AGAP1: variants seen among roughly 807,000 people sequenced by gnomAD.
AGAP1 encodes ArfGAP with GTPase domain, ankyrin repeat and PH domain 1, also known as arf-GAP with GTPase, ANK repeat and PH domain-containing protein 1.
In AGAP1, 29 loss-of-function variants were observed where a neutral mutation model predicts 105.3. The ratio of observed to expected loss-of-function variants is 0.28; its 90% CI spans 0.21 to 0.38. The LOEUF is 0.38. AGAP1 is among the 10% of genes least tolerant of loss of function. AGAP1 has a pLI of 1.00. For synonymous variants in AGAP1, 509 were observed against 485.9 expected, an observed-to-expected ratio of 1.05 and a Z score of -0.63; for missense variants, 998 against 1,165.1, an observed-to-expected ratio of 0.86 and a Z score of 2.09.
chr2:236,123,177 G>A lies in AGAP1; in HGVS notation c.2371-742G>A, dbSNP rs559455288. On this transcript the variant is annotated intron_variant, in intron 17 of 17. Coordinates refer to ENST00000304032, the MANE Select transcript of AGAP1 (RefSeq NM_001037131.3). The surrounding 1 kb of genome is among the most constrained non-coding windows in gnomAD (Gnocchi z 4.6). ...CAGCCTCTGCCTCCTAGGCTCAAGC[G>A]ATCCTCCCACCTCAGCCTCCTGCAT... 6.2e-4 allele frequency among the ~76,000 whole-genome samples: 95 copies of A among 152,142 alleles called. No individual in the cohort carries two copies. The highest frequency in any genetic ancestry group is 1.8e-3 in the African/African-American group (76 of 41,500).
Position 235,867,572 on chromosome 2 carries a change from T to TGTGTGTGTGTGTGTGCGC in AGAP1, c.1051-15770_1051-15769insTGTGTGTGTGTGCGCGTG, listed in dbSNP as rs375110513. 6.7e-6 allele frequency among the ~76,000 whole-genome samples: 1 copy of TGTGTGTGTGTGTGTGCGC among 148,370 alleles called. No homozygotes were observed. The highest frequency in any genetic ancestry group is 1.5e-5 in the Non-Finnish European group (1 of 67,064). ...GTGTGTGTGTGTGTGTGTGTGTGTG[T>TGTGTGTGTGTGTGTGCGC]GTGCAAGTGAGGGAGGGTGACCCCC... On this transcript the variant is annotated intron_variant, in intron 9 of 17. Transcript: ENST00000304032. This position sits in a 1 kb window ranked among gnomAD's most constrained non-coding sequence, Gnocchi z 5.4.
At chr2:235,890,942 C>CAAAAAAA (rs199864293) in intron 10 of AGAP1, among the ~76,000 whole-genome samples, 1 of 117,666 alleles carries the variant, frequency 8.5e-6, no homozygotes, top group African/African-American at 3.4e-5. Context: ...AACTGAGGCT[C>CAAAAAAA]AAAAAAAAAA....
At position 235,663,766 on chromosome 2, in the gene AGAP1, C is replaced by T. The variant is rs1259431996; in HGVS notation, c.164-45413C>T. Among the ~76,000 whole-genome samples, 1 of 152,076 alleles carries T rather than the reference C, an allele frequency of 6.6e-6. No individual in the cohort carries two copies. The highest frequency in any genetic ancestry group is 1.9e-4 in the East Asian group (1 of 5,190). ...GGAAGCTCTTAGGAGAATCCAAATC[C>T]GACTTCCCTGTGCTTTGAGAAGGAA... is the stretch of plus-strand genomic sequence containing the variant. On this transcript the variant is annotated intron_variant, in intron 1 of 17. Transcript: ENST00000304032. The surrounding 1 kb of genome is among the most constrained non-coding windows in gnomAD (Gnocchi z 5.4).
rs1947986431 is a variant in AGAP1 at position 235,662,376 on chromosome 2, C to G, written c.164-46803C>G. Among the ~76,000 whole-genome samples the G allele has an allele frequency of 6.6e-6, 1 of 152,182 alleles. No homozygotes were observed. Among genetic ancestry groups the G allele is most frequent in the Non-Finnish European group, 1.5e-5 (1 of 68,024 alleles). ...TGGTATGTAACCAACCAGGTCTCACCTTCAGCCACACTCCTAGGGACAGAG... is the reference window on the plus strand; with the variant it reads ...TGGTATGTAACCAACCAGGTCTCACGTTCAGCCACACTCCTAGGGACAGAG... On this transcript the variant is annotated intron_variant, in intron 1 of 17. Coordinates refer to ENST00000304032, the MANE Select transcript of AGAP1 (RefSeq NM_001037131.3). The surrounding 1 kb of genome is among the most constrained non-coding windows in gnomAD (Gnocchi z 4.2).
intron 9 of AGAP1, among the ~76,000 whole-genome samples, chr2:235,859,704 T>C (rs2048844592): frequency 6.6e-6 from 1 of 152,170 alleles, no homozygotes; most frequent in African/African-American, 2.4e-5. Context: ...TAGAACAAAT[T>C]TCAACCTTTG....
At chr2:235,726,502 C>T (rs1951652936) in intron 3 of AGAP1, among the ~76,000 whole-genome samples, 1 of 152,184 alleles carries the variant, frequency 6.6e-6, no homozygotes, top group Non-Finnish European at 1.5e-5. Context: ...GGTGCATTTA[C>T]CTGTTTATTG....
In AGAP1 at chr2:236,084,796, C is replaced by T. The variant is rs943567671; in HGVS notation, c.2115-35396C>T. On this transcript the variant is annotated intron_variant, in intron 16 of 17. Transcript: ENST00000304032. ...GTGGGCGCCTGTAGTCCCAGCTATT[C>T]GGGAGGCTGAGGTGGGAGAATCACT... Among the ~76,000 whole-genome samples, 6 of 151,680 alleles carry T rather than the reference C, an allele frequency of 4.0e-5. No individual in the cohort carries two copies. In the East Asian group the frequency reaches 1.2e-3, roughly 29 times the overall value.
chr2:235,865,298 G>GGT lies in AGAP1; in HGVS notation c.1051-18046_1051-18045dup, dbSNP rs944047763. Among the ~76,000 whole-genome samples, 37 of 152,164 alleles carry GGT rather than the reference G, an allele frequency of 2.4e-4. No individual in the cohort carries two copies. The highest frequency in any genetic ancestry group is 3.2e-3 in the Middle Eastern group (1 of 316). ...TGCTGTGCGATTTTCTCAGCAGTGA[G>GGT]GTAGGAATAGACGCGGCTAATGACA... On this transcript the variant is annotated intron_variant, in intron 9 of 17. Transcript: ENST00000304032. This position sits in a 1 kb window ranked among gnomAD's most constrained non-coding sequence, Gnocchi z 6.2.
chr2:235,846,033 A>AT (rs1352042876), intron 9 of AGAP1, among the ~76,000 whole-genome samples: 1 of 152,120 alleles, frequency 6.6e-6, no homozygotes, highest in Non-Finnish European at 1.5e-5. Context: ...TTAAAAAAAA[A>AT]TTTTAATTTC....
chr2:236,102,221 T>C (rs536631311), intron 16 of AGAP1, among the ~76,000 whole-genome samples: 4 of 151,892 alleles, frequency 2.6e-5, no homozygotes, highest in Non-Finnish European at 4.4e-5. Context: ...ATCGAGACCA[T>C]CCTGGCTAAC....
Position 236,105,674 on chromosome 2 carries a change from ACGCCATTCTCCCGCG to A in AGAP1, c.2115-14517_2115-14503del. On this transcript the variant is annotated intron_variant, in intron 16 of 17. Coordinates refer to ENST00000304032, the MANE Select transcript of AGAP1 (RefSeq NM_001037131.3). The surrounding 1 kb of genome is among the most constrained non-coding windows in gnomAD (Gnocchi z 4.2). ...GGGTTCACACCATTCTCCCGCGTTCACGCCATTCTCCCGCGTTCACGCCATTCTCCCACCTCAGCC... is the reference window on the plus strand; with the variant it reads ...GGGTTCACACCATTCTCCCGCGTTCATTCACGCCATTCTCCCACCTCAGCC... Among the ~76,000 whole-genome samples the A allele has an allele frequency of 1.7e-5, 1 of 57,474 alleles. No homozygotes were observed. Among genetic ancestry groups the A allele is most frequent in the Non-Finnish European group, 4.5e-5 (1 of 22,190 alleles). The allele number at this position is 57,474 out of a possible 152,430, so 37.7% of individuals were successfully genotyped here.
rs1458909043 is a variant in AGAP1 at position 235,901,228 on chromosome 2, A to G, written c.1156-7510A>G. 6.6e-6 allele frequency among the ~76,000 whole-genome samples: 1 copy of G among 151,604 alleles called. No individual in the cohort carries two copies. The highest frequency in any genetic ancestry group is 1.5e-5 in the Non-Finnish European group (1 of 67,946). ...ATGATTAGTTTCCTTTGAATATAAT[A>G]TTAAATGGAGTTTGGGAATAGTAGT... On this transcript the variant is annotated intron_variant, in intron 10 of 17. Coordinates refer to ENST00000304032, the MANE Select transcript of AGAP1 (RefSeq NM_001037131.3). This position sits in a 1 kb window ranked among gnomAD's most constrained non-coding sequence, Gnocchi z 4.3.
chr2:235,852,570 A>ATCTCTTAC (rs2048518224), intron 9 of AGAP1: 1 of 1,009,274 alleles, frequency 9.9e-7, no homozygotes. Context: ...TTATCTCTTA[A>ATCTCTTAC]TGAATAGAGA....
intron 1 of AGAP1, among the ~76,000 whole-genome samples, chr2:235,624,939 GCTC>G (rs1946592491): frequency 6.6e-6 from 1 of 152,018 alleles, no homozygotes; most frequent in South Asian, 2.1e-4. Flanking sequence ...GTGATGTCCT[GCTC>G]CTCCTTCACC....
intron 1 of AGAP1, among the ~76,000 whole-genome samples, chr2:235,560,241 C>T (rs1944102883): frequency 6.6e-6 from 1 of 152,068 alleles, no homozygotes; most frequent in Admixed American, 6.6e-5. Flanking sequence ...TGGTTTTCCC[C>T]TCCACGGCAT....
chr2:235,920,154 A>T (rs1233994133), intron 11 of AGAP1, among the ~76,000 whole-genome samples: 1 of 152,170 alleles, frequency 6.6e-6, no homozygotes, highest in East Asian at 1.9e-4. Flanking sequence ...TGGATTCTGT[A>T]TATTCTTTTT....
Position 235,555,184 on chromosome 2 carries a change from C to T in AGAP1, c.163+60335C>T, listed in dbSNP as rs1943934940. Among the ~76,000 whole-genome samples, 1 of 152,286 alleles carries T rather than the reference C, an allele frequency of 6.6e-6. No homozygotes were observed. The highest frequency in any genetic ancestry group is 2.4e-5 in the African/African-American group (1 of 41,564). Reference sequence around the variant, plus strand: ...CCAGATGGATGTTTCTAAAGTCTTTCTTAAAGGAGCCAGAGGCTTGCCCGC... The same window carrying T: ...CCAGATGGATGTTTCTAAAGTCTTTTTTAAAGGAGCCAGAGGCTTGCCCGC... On this transcript the variant is annotated intron_variant, in intron 1 of 17. Coordinates refer to ENST00000304032, the MANE Select transcript of AGAP1 (RefSeq NM_001037131.3). This position sits in a 1 kb window ranked among gnomAD's most constrained non-coding sequence, Gnocchi z 5.1.
At chr2:236,032,683 T>C (rs746697983) in intron 13 of AGAP1, among the ~76,000 whole-genome samples, 8 of 151,786 alleles carry the variant, frequency 5.3e-5, no homozygotes, top group Non-Finnish European at 8.8e-5. Context: ...GAGGTGATGA[T>C]CTCTCTCAAG....
At chr2:235,854,675 G>A (rs558630035) in intron 9 of AGAP1, among the ~76,000 whole-genome samples, 4 of 152,344 alleles carry the variant, frequency 2.6e-5, no homozygotes, top group East Asian at 3.9e-4. Flanking sequence ...CTTACTCTCC[G>A]AGCTTGACTT....
Sources: allele counts gnomAD v4.1 joint callset (sites outside exome capture counted in the v4.1 genomes callset), GRCh38; gene constraint gnomAD v4.1.1; non-coding constraint Gnocchi (gnomAD v3.1); transcripts MANE v1.5; gene names NCBI Gene and HGNC (gene_info 2026-07-23, HGNC 2026-07-21).